CTR9: variants seen among roughly 807,000 people sequenced by gnomAD.
CTR9 encodes CTR9 component of Paf1/RNA polymerase II complex.
CTR9 carries 41 observed loss-of-function variants against 152.1 expected under a neutral mutation model. The observed-to-expected ratio is 0.27, with a 90% CI of 0.21 to 0.35. CTR9 has a LOEUF of 0.35. CTR9 is among the 10% of genes least tolerant of loss of function. The pLI is 1.00. For missense variants in CTR9, 917 were observed against 1,424.4 expected (o/e 0.64, Z 5.73); for synonymous variants, 476 against 496.2 (o/e 0.96, Z 0.54).
intron 19 of CTR9, among the ~76,000 whole-genome samples, 173 bp from the exon 20 acceptor site, chr11:10,772,345 ACT>A (rs989653810): frequency 2.1e-4 from 32 of 152,092 alleles, no homozygotes; most frequent in African/African-American, 7.5e-4. Flanking sequence ...CAAGAGCAAA[ACT>A]CTGTCTCTTA....
At chr11:10,773,058 G>C in intron 20 of CTR9, 69 bp from the exon 21 acceptor site, 1 of 1,533,194 alleles carries the variant, frequency 6.5e-7, no homozygotes, top group South Asian at 1.2e-5. Flanking sequence ...TGCTTAGGAT[G>C]GTAGCCATTA....
At chr11:10,766,015 A>G (rs542555815) in intron 12 of CTR9, among the ~76,000 whole-genome samples, 5 of 152,216 alleles carry the variant, frequency 3.3e-5, no homozygotes, top group Non-Finnish European at 7.3e-5. Context: ...ATACCTATTC[A>G]TCAGACTTTC....
At chr11:10,776,250 T>A (rs1863232829) in intron 24 of CTR9, among the ~76,000 whole-genome samples, 1 of 152,124 alleles carries the variant, frequency 6.6e-6, no homozygotes, top group Non-Finnish European at 1.5e-5. Context: ...CATGCCCAGC[T>A]AATTTTGTAT....
chr11:10,757,829 G>A, intron 5 of CTR9, among the ~76,000 whole-genome samples: 1 of 152,108 alleles, frequency 6.6e-6, no homozygotes, highest in Non-Finnish European at 1.5e-5. Flanking sequence ...AAGAGCCAAG[G>A]AGAAGAATAA....
Position 10,751,384 on chromosome 11 carries a change from G to T in CTR9, c.-29G>T. 2 of 1,605,638 alleles carry T rather than the reference G, an allele frequency of 1.2e-6. No homozygotes were observed. Among genetic ancestry groups the T allele is most frequent in the Non-Finnish European group, 1.7e-6 (2 of 1,177,448 alleles). Reference sequence around the variant, plus strand: ...ACTACCGGCTGCGGAGCGGCGGGGCGAGACACTTGCTCGCCTTTTGACCCC... The same window carrying T: ...ACTACCGGCTGCGGAGCGGCGGGGCTAGACACTTGCTCGCCTTTTGACCCC... On this transcript the variant is annotated 5_prime_UTR_variant, in exon 1 of 25. Transcript: ENST00000361367.
rs1419673638 is a variant in CTR9, at chr11:10,771,580, T to C, written c.2408T>C (p.Met803Thr). 2 of 1,612,132 alleles carry C rather than the reference T, an allele frequency of 1.2e-6. No individual in the cohort carries two copies. Residue 803 changes from methionine (M) to threonine (T), a missense_variant, in exon 19 of 25, where the codon ATG becomes ACG. Coordinates refer to ENST00000361367, the MANE Select transcript of CTR9 (RefSeq NM_014633.5). ...TATTTGAGTAAAGTGGGAGATAAAATGAGATTTGATTTGGCCCTTGCTGCT... is the reference window on the plus strand; with the variant it reads ...TATTTGAGTAAAGTGGGAGATAAAACGAGATTTGATTTGGCCCTTGCTGCT... The part of the protein sequence containing the change: ...FSYLSKVGDK[M>T]RFDLALAATE...
chr11:10,773,065 A>G, intron 20 of CTR9, 62 bp from the exon 21 acceptor site: 1 of 1,553,568 alleles, frequency 6.4e-7, no homozygotes, highest in African/African-American at 1.4e-5. Context: ...GATGGTAGCC[A>G]TTAATTTTTC....
At position 10,779,324 on chromosome 11, in the gene CTR9, A is replaced by G. The variant is rs141816972; in HGVS notation, c.*219A>G. The G allele has an allele frequency of 1.7e-4, 84 of 501,656 alleles. No homozygotes were observed. Among genetic ancestry groups the G allele is most frequent in the Non-Finnish European group, 2.5e-4 (72 of 284,328 alleles). 31.1% of individuals were successfully genotyped at this position (501,656 alleles called of 1,614,324 possible). On this transcript the variant is annotated 3_prime_UTR_variant, in exon 25 of 25. Coordinates refer to ENST00000361367, the MANE Select transcript of CTR9 (RefSeq NM_014633.5). ...AAATGAGACTATTCTTTGTGGTACA[A>G]TTCCACCTATCATATGTGAAAACTG...
intron 5 of CTR9, among the ~76,000 whole-genome samples, chr11:10,757,492 C>T (rs1167534500): frequency 6.6e-6 from 1 of 151,856 alleles, no homozygotes; most frequent in Non-Finnish European, 1.5e-5. Flanking sequence ...GCAGGAAGAT[C>T]ACTTGAGCCT....
Position 10,767,532 on chromosome 11 carries a change from T to C in CTR9, c.1687-274T>C, listed in dbSNP as rs1863078413. On this transcript the variant is annotated intron_variant, in intron 13 of 24. Transcript: ENST00000361367. This position sits in a 1 kb window ranked among gnomAD's most constrained non-coding sequence, Gnocchi z 4.0. ...CCAACAGGGAGCCACAGTATTTAAA[T>C]TGACCAACCTAATGTTACAACTACT... The C allele has an allele frequency of 1.5e-5, 5 of 324,118 alleles. No homozygotes were observed. The East Asian group carries it at 2.9e-4, about 19-fold the overall frequency. 20.1% of individuals were successfully genotyped at this position (324,118 alleles called of 1,614,324 possible). A position where few individuals can be genotyped will look rare whatever the true frequency, so the allele number is the denominator to read the frequency against.
chr11:10,763,947 C>T (rs1034163694), intron 9 of CTR9, 68 bp downstream of exon 9: 1 of 1,352,288 alleles, frequency 7.4e-7, no homozygotes, highest in Admixed American at 2.1e-5. Context: ...TTCTCATTTC[C>T]TGTTATTGCT....
At chr11:10,757,969 A>C (rs1862913090) in intron 5 of CTR9, among the ~76,000 whole-genome samples, 1 of 152,180 alleles carries the variant, frequency 6.6e-6, no homozygotes, top group South Asian at 2.1e-4. Context: ...ATAGGAGAAG[A>C]CCACTCCTAG....
Position 10,767,698 on chromosome 11 carries a change from T to G in CTR9, c.1687-108T>G. ...AGAAAGAAAAGAAAGAAAACCACTG[T>G]TGTAATATAGTTTGTAAACCTCTTC... On this transcript the variant is annotated intron_variant, in intron 13 of 24. Coordinates refer to ENST00000361367, the MANE Select transcript of CTR9 (RefSeq NM_014633.5). The surrounding 1 kb of genome is among the most constrained non-coding windows in gnomAD (Gnocchi z 4.0). 1 of 951,688 alleles carries G rather than the reference T, an allele frequency of 1.1e-6. No individual in the cohort carries two copies. Among genetic ancestry groups the G allele is most frequent in the Admixed American group, 2.4e-5 (1 of 42,384 alleles). 59.0% of individuals were successfully genotyped at this position (951,688 alleles called of 1,614,324 possible).
chr11:10,762,053 A>C lies in CTR9; in HGVS notation c.848A>C (p.Lys283Thr). The change falls in exon 7 of 25, where the codon AAG becomes ACG. Residue 283 changes from lysine (K) to threonine (T), a missense_variant and splice_region_variant. Transcript: ENST00000361367. Reference protein sequence around the residue: ...NHLANHFFFKKDYSKVQHLAL... With the variant: ...NHLANHFFFKTDYSKVQHLAL... ...TTGGCAAATCACTTTTTCTTCAAAA[A>C]GGTAGAAGTCATTTATTTTTAAATT... 1 of 1,551,072 alleles carries C rather than the reference A, an allele frequency of 6.4e-7. No individual in the cohort carries two copies. Among genetic ancestry groups the C allele is most frequent in the South Asian group, 1.2e-5 (1 of 84,764 alleles).
Position 10,755,229 on chromosome 11 carries a change from T to C in CTR9, c.384+32T>C, listed in dbSNP as rs773864920. 8 of 1,583,572 alleles carry C rather than the reference T, an allele frequency of 5.1e-6. No individual in the cohort carries two copies. The Admixed American group carries it at 7.3e-5, about 14-fold the overall frequency. On this transcript the variant is annotated intron_variant, in intron 3 of 24. Transcript: ENST00000361367. ...ATAAAGTCAAATTTCTTTCCATTTATGAAGGGAGAAAAGCACATGAAAGCA... is the reference window on the plus strand; with the variant it reads ...ATAAAGTCAAATTTCTTTCCATTTACGAAGGGAGAAAAGCACATGAAAGCA...
Position 10,774,050 on chromosome 11 carries a change from T to C in CTR9, c.2766T>C (p.Asn922=). 6.2e-7 allele frequency: 1 copy of C among 1,612,976 alleles called. No homozygotes were observed. The highest frequency in any genetic ancestry group is 8.5e-7 in the Non-Finnish European group (1 of 1,179,476). The part of the protein sequence containing the change: ...KKGGEFDEFV[N]DDTDDDLPIS... Reference sequence around the variant, plus strand: ...GAGGAGAGTTTGATGAATTTGTCAATGATGACACTGATGATGACCTACCTA... The same window carrying C: ...GAGGAGAGTTTGATGAATTTGTCAACGATGACACTGATGATGACCTACCTA... The change falls in exon 22 of 25, where the codon AAT becomes AAC. Residue 922 remains asparagine, a synonymous_variant. Transcript: ENST00000361367.
intron 5 of CTR9, among the ~76,000 whole-genome samples, chr11:10,757,114 G>A (rs1483087187): frequency 1.3e-5 from 2 of 151,692 alleles, no homozygotes; most frequent in Non-Finnish European, 2.9e-5. Flanking sequence ...GTAAGACCCT[G>A]TCTCTACAAA....
chr11:10,768,515 T>A, intron 16 of CTR9, 24 bp downstream of exon 16: 3 of 1,576,930 alleles, frequency 1.9e-6, no homozygotes, highest in Non-Finnish European at 2.6e-6. Context: ...TTTCAAGATA[T>A]TTTTATATCT....
chr11:10,769,222 G>A (rs79123016), intron 16 of CTR9, among the ~76,000 whole-genome samples: 1,641 of 151,752 alleles, frequency 0.011, 26 homozygotes, highest in African/African-American at 0.038. Flanking sequence ...ACTCTGTCTC[G>A]GGAAAAAAAA....
Sources: gnomAD v4.1 joint callset for allele counts (sites outside exome capture counted in the v4.1 genomes callset) on GRCh38, gnomAD v4.1.1 for gene constraint, Gnocchi (gnomAD v3.1) non-coding constraint, MANE v1.5 for transcripts, NCBI Gene and HGNC (gene_info 2026-07-23, HGNC 2026-07-21) for gene names.